PIP5K1B: variants seen among roughly 807,000 people sequenced by gnomAD.
The protein encoded by PIP5K1B is phosphatidylinositol 4-phosphate 5-kinase type-1 beta.
A neutral mutation model predicts 67.0 loss-of-function variants in PIP5K1B; 42 were observed. That is an observed-to-expected ratio of 0.63 (90% CI 0.49 to 0.81). PIP5K1B has a LOEUF of 0.81. Among genes scored for constraint, PIP5K1B ranks in the 30% least tolerant of loss-of-function variants. The pLI is 0.00. For missense variants in PIP5K1B, 459 were observed against 646.3 expected (o/e 0.71, Z 3.14); for synonymous variants, 214 against 231.4 (o/e 0.92, Z 0.68).
At chr9:68,781,119 A>C (rs535469937) in intron 2 of PIP5K1B, 5 of 1,476,742 alleles carry the variant, frequency 3.4e-6, no homozygotes, top group Non-Finnish European at 4.6e-6. Context: ...ATTTGAGGCT[A>C]TTTCCTATTT....
At chr9:68,923,070 G>C (rs951238694) in intron 11 of PIP5K1B, among the ~76,000 whole-genome samples, 21 of 152,092 alleles carry the variant, frequency 1.4e-4, no homozygotes, top group African/African-American at 5.1e-4. Context: ...ACTCTCCTCT[G>C]CTCAGTTTGG....
intron 2 of PIP5K1B, among the ~76,000 whole-genome samples, chr9:68,790,389 T>C (rs1361689174): frequency 3.9e-5 from 6 of 152,268 alleles, no homozygotes; most frequent in African/African-American, 1.4e-4. Context: ...TTAGACATTT[T>C]GGAACAAACC....
At chr9:68,877,995 C>A (rs1587603224) in intron 6 of PIP5K1B, among the ~76,000 whole-genome samples, 2 of 149,098 alleles carry the variant, frequency 1.3e-5, no homozygotes, top group South Asian at 2.2e-4. Flanking sequence ...TGCAAGTACA[C>A]AAGCACACGC....
At chr9:68,818,674 A>G (rs1833574778) in intron 3 of PIP5K1B, 129 bp downstream of exon 3, 2 of 152,206 alleles carry the variant, frequency 1.3e-5, no homozygotes, top group Admixed American at 1.3e-4. Flanking sequence ...TAACTCTGAC[A>G]TCAAATTTGA....
chr9:68,894,324 T>G lies in PIP5K1B; in HGVS notation c.472-15T>G, dbSNP rs1267240210. On this transcript the variant is annotated splice_polypyrimidine_tract_variant and intron_variant, in intron 7 of 15. Coordinates refer to ENST00000265382, the MANE Select transcript of PIP5K1B (RefSeq NM_003558.4). ...TAGAAGATTGTAAATATATTTTTCTTTTTTTGGTTTCTAGAATTTAAACCA... is the reference window on the plus strand; with the variant it reads ...TAGAAGATTGTAAATATATTTTTCTGTTTTTGGTTTCTAGAATTTAAACCA... 2.6e-6 allele frequency: 4 copies of G among 1,543,364 alleles called. No individual in the cohort carries two copies. In the African/African-American group the frequency reaches 4.1e-5, roughly 16 times the overall value.
intron 4 of PIP5K1B, among the ~76,000 whole-genome samples, chr9:68,850,315 T>C (rs569829485): frequency 5.9e-5 from 9 of 152,220 alleles, no homozygotes; most frequent in South Asian, 2.1e-4. Flanking sequence ...CCAGGCAAAA[T>C]ACCCAGTTGA....
chr9:68,964,998 C>T (rs1828944948), intron 14 of PIP5K1B, among the ~76,000 whole-genome samples: 1 of 152,176 alleles, frequency 6.6e-6, no homozygotes, highest in Non-Finnish European at 1.5e-5. Flanking sequence ...CCTTAAGCTG[C>T]CACCATTTGG....
chr9:69,001,707 A>C (rs1353190756), intron 15 of PIP5K1B, among the ~76,000 whole-genome samples: 1 of 152,088 alleles, frequency 6.6e-6, no homozygotes, highest in East Asian at 1.9e-4. Flanking sequence ...CCATGAATCA[A>C]TCGCCTCCCA....
intron 14 of PIP5K1B, among the ~76,000 whole-genome samples, chr9:68,984,867 T>A (rs1434402662): frequency 6.6e-6 from 1 of 152,212 alleles, no homozygotes; most frequent in Non-Finnish European, 1.5e-5. Flanking sequence ...CAATGACAAA[T>A]TTCTAAAATG....
At chr9:68,825,484 T>C (rs918427087) in intron 4 of PIP5K1B, among the ~76,000 whole-genome samples, 2 of 152,308 alleles carry the variant, frequency 1.3e-5, no homozygotes, top group East Asian at 3.9e-4. Context: ...TTGTAAATGA[T>C]AGCAAACAGA....
chr9:68,774,019 A>T (rs1315080489), intron 2 of PIP5K1B, among the ~76,000 whole-genome samples: 1 of 152,160 alleles, frequency 6.6e-6, no homozygotes, highest in Non-Finnish European at 1.5e-5. Flanking sequence ...GTTCCATTTC[A>T]TGAATTATTC....
At chr9:68,896,693 A>C (rs1825103388) in intron 8 of PIP5K1B, among the ~76,000 whole-genome samples, 1 of 152,004 alleles carries the variant, frequency 6.6e-6, no homozygotes, top group Non-Finnish European at 1.5e-5. Flanking sequence ...CTGTAGGGGA[A>C]CTCAGCTCCC....
At chr9:68,924,401 C>CGAAA (rs1341716504) in intron 12 of PIP5K1B, among the ~76,000 whole-genome samples, 1 of 86,766 alleles carries the variant, frequency 1.2e-5, no homozygotes, top group Non-Finnish European at 2.2e-5. Flanking sequence ...CACTGCGCCT[C>CGAAA]AAAAAAAAAA....
At chr9:68,755,923 C>T (rs1829903185) in intron 2 of PIP5K1B, among the ~76,000 whole-genome samples, 1 of 152,182 alleles carries the variant, frequency 6.6e-6, no homozygotes. Flanking sequence ...CTCTAGGAAG[C>T]TTAAGGTCAC....
At chr9:68,963,152 G>A (rs1427515562) in intron 14 of PIP5K1B, 3 of 456,230 alleles carry the variant, frequency 6.6e-6, no homozygotes, top group Admixed American at 2.3e-5. Flanking sequence ...AAATAAAATT[G>A]TGAGGACTAA....
intron 15 of PIP5K1B, among the ~76,000 whole-genome samples, chr9:68,995,098 C>CTAG (rs1021850540): frequency 1.3e-5 from 2 of 151,016 alleles, no homozygotes; most frequent in Non-Finnish European, 2.9e-5. Context: ...GAGCCATGAT[C>CTAG]TAGTCACTGC....
chr9:69,002,392 A>G (rs1554755432), intron 15 of PIP5K1B, among the ~76,000 whole-genome samples: 1 of 152,168 alleles, frequency 6.6e-6, no homozygotes, highest in Non-Finnish European at 1.5e-5. Context: ...ATGCAGTTCC[A>G]TAGCACTGTG....
intron 1 of PIP5K1B, among the ~76,000 whole-genome samples, chr9:68,712,282 C>T (rs1308743598): frequency 6.6e-6 from 1 of 152,220 alleles, no homozygotes; most frequent in Admixed American, 6.5e-5. Context: ...GGGGCCCTCT[C>T]TCACCAGAAG....
chr9:68,770,210 A>G (rs1195445373), intron 2 of PIP5K1B, among the ~76,000 whole-genome samples: 2 of 152,222 alleles, frequency 1.3e-5, no homozygotes, highest in Non-Finnish European at 2.9e-5. Context: ...ATGTCCCGCT[A>G]CCATGTCAAA....
Sources: allele counts gnomAD v4.1 joint callset (sites outside exome capture counted in the v4.1 genomes callset), GRCh38; gene constraint gnomAD v4.1.1; transcripts MANE v1.5; gene names NCBI Gene and HGNC (gene_info 2026-07-23, HGNC 2026-07-21).